The following IDO1 variants were observed in gnomAD, a reference collection of about 807,000 sequenced individuals.
The protein encoded by IDO1 is indoleamine 2,3-dioxygenase 1.
In IDO1, 35 loss-of-function variants were observed where a neutral mutation model predicts 38.8. The ratio of observed to expected loss-of-function variants is 0.90; its 90% CI spans 0.69 to 1.20. IDO1 has a LOEUF of 1.20. Among genes scored for constraint, IDO1 ranks in the 50% most tolerant of loss-of-function variants. The probability of loss-of-function intolerance (pLI) is 0.00; values close to 1 mark genes in which losing one functional copy is unlikely to be tolerated. For synonymous variants in IDO1, 171 were observed against 170.0 expected (o/e 1.01, Z -0.05); for missense variants, 509 against 485.1 (o/e 1.05, Z -0.46).
chr8:39,917,825 A>G, intron 1 of IDO1, 50 bp from the exon 2 acceptor site: 1 of 1,306,490 alleles, frequency 7.7e-7, no homozygotes. Flanking sequence ...TGGGAAGCCA[A>G]ATCTACAATA....
intron 9 of IDO1, 79 bp downstream of exon 9, chr8:39,925,450 T>A: frequency 8.2e-6 from 11 of 1,349,318 alleles, no homozygotes; most frequent in Non-Finnish European, 1.1e-5. Context: ...CACCTTCCCA[T>A]CAGCATCTTA....
In IDO1 at chr8:39,928,287, T is replaced by C; in HGVS notation, c.*102T>C. The stretch of plus-strand genomic sequence containing the variant: ...CCACAAACTAATACTATGCAATGTT[T>C]TACCAATAATGCAATACAAAAGACC... On this transcript the variant is annotated 3_prime_UTR_variant, in exon 10 of 10. Coordinates refer to ENST00000518237, the MANE Select transcript of IDO1 (RefSeq NM_002164.6). The C allele has an allele frequency of 1.3e-6, 1 of 781,148 alleles. No homozygotes were observed. Among genetic ancestry groups the C allele is most frequent in the East Asian group, 2.7e-5 (1 of 37,058 alleles). 48.4% of individuals were successfully genotyped at this position (781,148 alleles called of 1,614,324 possible).
At chr8:39,923,171 AAGTG>A (rs1807300548) in intron 6 of IDO1, among the ~76,000 whole-genome samples, 3 of 152,166 alleles carry the variant, frequency 2.0e-5, no homozygotes, top group Non-Finnish European at 4.4e-5. Context: ...TGGGAGGCTG[AAGTG>A]GGCGGATCAC....
chr8:39,915,652 G>A (rs548582152), intron 1 of IDO1: 1 of 152,158 alleles, frequency 6.6e-6, no homozygotes, highest in Non-Finnish European at 1.5e-5. Flanking sequence ...CAAAAATGCT[G>A]GGACTGGATG....
At chr8:39,927,739 T>C in intron 9 of IDO1, 91 bp from the exon 10 acceptor site, 1 of 690,476 alleles carries the variant, frequency 1.4e-6, no homozygotes, top group Non-Finnish European at 2.3e-6. Flanking sequence ...ATATTGGTGA[T>C]CTCCTGCCCA....
chr8:39,919,002 A>T (rs753043390), intron 4 of IDO1, 69 bp downstream of exon 4: 9 of 960,728 alleles, frequency 9.4e-6, no homozygotes, highest in Non-Finnish European at 1.5e-5. Context: ...GGGGTTGTTC[A>T]TTGGCTTAAT....
chr8:39,918,011 T>C (rs1168788557), intron 2 of IDO1, 41 bp downstream of exon 2: 1 of 1,610,488 alleles, frequency 6.2e-7, no homozygotes, highest in Non-Finnish European at 8.5e-7. Flanking sequence ...GTATAGCTTC[T>C]TAACATTGTT....
rs1807398279 is a variant in IDO1, at chr8:39,928,270, T to C, written c.*85T>C. The C allele has an allele frequency of 1.1e-6, 1 of 898,580 alleles. No individual in the cohort carries two copies. The highest frequency in any genetic ancestry group is 1.7e-6 in the Non-Finnish European group (1 of 594,006). The allele number at this position is 898,580 out of a possible 1,614,324, so 55.7% of individuals were successfully genotyped here. A position where few individuals can be genotyped will look rare whatever the true frequency, so the allele number is the denominator to read the frequency against. ...TACCCATTGTAACAGAGCCACAAAC[T>C]AATACTATGCAATGTTTTACCAATA... On this transcript the variant is annotated 3_prime_UTR_variant, in exon 10 of 10. Transcript: ENST00000518237.
rs767839645 is a variant in IDO1, at chr8:39,918,924, A to T, written c.413A>T (p.Asp138Val). ...GTCTTGGCAAACTGGAAGAAAAAGG[A>T]TCCTAATAAGTATGTAAACAGTGAT... is the stretch of plus-strand genomic sequence containing the variant. ...DCVLANWKKKDPNKPLTYENM... is the reference protein window; with the variant it reads ...DCVLANWKKKVPNKPLTYENM... Residue 138 changes from aspartate (D) to valine (V), a missense_variant, in exon 4 of 10, where the codon GAT becomes GTT. Coordinates refer to ENST00000518237, the MANE Select transcript of IDO1 (RefSeq NM_002164.6). 3 of 1,561,422 alleles carry T rather than the reference A, an allele frequency of 1.9e-6. No individual in the cohort carries two copies. The highest frequency in any genetic ancestry group is 1.8e-6 in the Non-Finnish European group (2 of 1,132,076).
chr8:39,914,174 G>A, intron 1 of IDO1, 165 bp downstream of exon 1: 1 of 561,288 alleles, frequency 1.8e-6, no homozygotes, highest in Non-Finnish European at 3.2e-6. Flanking sequence ...CACTTAATTT[G>A]TCTTACATTT....
At chr8:39,924,116 C>T (rs116050125) in intron 7 of IDO1, among the ~76,000 whole-genome samples, 83 of 152,276 alleles carry the variant, frequency 5.5e-4, no homozygotes, top group African/African-American at 1.9e-3. Flanking sequence ...ATCTGCCCTA[C>T]TGAACAGACT....
In IDO1 at chr8:39,918,306, C is replaced by A. The variant is rs756447804; in HGVS notation, c.303+99C>A. ...TTTTCTAAAAGCATTATAACTGCATCATGCAAAGTTTAGATAACACGACAA... is the reference window on the plus strand; with the variant it reads ...TTTTCTAAAAGCATTATAACTGCATAATGCAAAGTTTAGATAACACGACAA... On this transcript the variant is annotated intron_variant, in intron 3 of 9. Transcript: ENST00000518237. 7.1e-5 allele frequency: 87 copies of A among 1,228,586 alleles called. No homozygotes were observed. The Middle Eastern group carries it at 7.8e-4, about 11-fold the overall frequency. 76.1% of individuals were successfully genotyped at this position (1,228,586 alleles called of 1,614,324 possible).
chr8:39,924,837 G>A, intron 8 of IDO1, 65 bp downstream of exon 8: 1 of 1,202,498 alleles, frequency 8.3e-7, no homozygotes. Context: ...AAATTCTCTT[G>A]GTTGGTCCCT....
chr8:39,925,839 G>A (rs943410815), intron 9 of IDO1, among the ~76,000 whole-genome samples: 5 of 151,734 alleles, frequency 3.3e-5, no homozygotes, highest in African/African-American at 4.8e-5. Context: ...AGCCAAGATC[G>A]TGCTACTGTA....
At chr8:39,919,674 G>GT (rs869127479) in intron 4 of IDO1, among the ~76,000 whole-genome samples, 8 of 152,086 alleles carry the variant, frequency 5.3e-5, no homozygotes, top group Non-Finnish European at 8.8e-5. Context: ...TTAAAAATTA[G>GT]TTTTTTTAAA....
Position 39,918,152 on chromosome 8 carries a change from T to C in IDO1, c.248T>C (p.Leu83Pro). The C allele has an allele frequency of 6.2e-7, 1 of 1,614,006 alleles. No individual in the cohort carries two copies. The highest frequency in any genetic ancestry group is 8.5e-7 in the Non-Finnish European group (1 of 1,179,870). Residue 83 changes from leucine (L) to proline (P), a missense_variant, in exon 3 of 10, where the codon CTG becomes CCG. Physicochemically the swap from Leu to Pro is moderately conservative, Grantham distance 98. Transcript: ENST00000518237. The part of the protein sequence containing the change: ...HKSQRLARLV[L>P]GCITMAYVWG... ...TCACAGCGCCTTGCACGTCTAGTTC[T>C]GGGATGCATCACCATGGCATATGTG...
At chr8:39,919,132 A>G in intron 4 of IDO1, 199 bp downstream of exon 4, 1 of 714,622 alleles carries the variant, frequency 1.4e-6, no homozygotes, top group Non-Finnish European at 2.6e-6. Flanking sequence ...ACAGGTGTAT[A>G]GTTAACACAG....
At chr8:39,926,385 G>A (rs1262241781) in intron 9 of IDO1, among the ~76,000 whole-genome samples, 1 of 152,118 alleles carries the variant, frequency 6.6e-6, no homozygotes, top group Admixed American at 6.5e-5. Flanking sequence ...AGACAGGGCT[G>A]TTAGTGGGGA....
chr8:39,921,506 TAAG>T (rs1448748423), intron 5 of IDO1, among the ~76,000 whole-genome samples: 3 of 152,150 alleles, frequency 2.0e-5, no homozygotes, highest in African/African-American at 4.8e-5. Flanking sequence ...TTAGCTATGA[TAAG>T]GAGTTAAAAC....
Sources: gnomAD v4.1 joint callset for allele counts (sites outside exome capture counted in the v4.1 genomes callset) on GRCh38, gnomAD v4.1.1 for gene constraint, MANE v1.5 for transcripts, NCBI Gene and HGNC (gene_info 2026-07-23, HGNC 2026-07-21) for gene names.